Variants in PRIM2 observed in about 807,000 individuals in gnomAD.
The protein encoded by PRIM2 is DNA primase subunit 2.
In PRIM2, 39 loss-of-function variants were observed where a neutral mutation model predicts 67.3. That is an observed-to-expected ratio of 0.58 (90% CI 0.45 to 0.76). The LOEUF is 0.76. Among genes scored for constraint, PRIM2 ranks in the 30% least tolerant of loss-of-function variants. PRIM2 has a pLI of 0.00. For missense variants in PRIM2, 398 were observed against 598.7 expected (o/e 0.66, Z 3.50); for synonymous variants, 143 against 198.7 (o/e 0.72, Z 2.36).
Position 57,476,700 on chromosome 6 carries a change from T to TTA in PRIM2, c.694-30684_694-30683dup, listed in dbSNP as rs1481579750. Among the ~76,000 whole-genome samples, 10 of 152,298 alleles carry TTA rather than the reference T, an allele frequency of 6.6e-5. No individual in the cohort carries two copies. In the South Asian group the frequency reaches 2.1e-3, roughly 32 times the overall value. ...TCTGTAGGCCACCCTGACTCATTGGTTATAATATTGTGTAGTATAAGTAAT... is the reference window on the plus strand; with the variant it reads ...TCTGTAGGCCACCCTGACTCATTGGTTATATAATATTGTGTAGTATAAGTAAT... On this transcript the variant is annotated intron_variant, in intron 7 of 13. Transcript: ENST00000615550.
At chr6:57,263,053 T>C in the PRIM2 span, among the ~76,000 whole-genome samples, 1 of 152,220 alleles carries the variant, frequency 6.6e-6, no homozygotes, top group Admixed American at 6.5e-5. Flanking sequence ...TGACTCCTAG[T>C]ACAATATCTG....
chr6:57,289,768 C>T, the PRIM2 span, among the ~76,000 whole-genome samples: 5 of 152,124 alleles, frequency 3.3e-5, no homozygotes, highest in South Asian at 2.1e-4. Flanking sequence ...GAGATTTTGT[C>T]ACCACCAGGC....
chr6:57,315,658 T>A (rs948307185), upstream of PRIM2, among the ~76,000 whole-genome samples: 2 of 152,194 alleles, frequency 1.3e-5, no homozygotes, highest in Non-Finnish European at 2.9e-5. Context: ...TTAGGATTTT[T>A]TTCCTAATGA....
At chr6:57,606,525 A>G in intron 12 of PRIM2, 68 bp downstream of exon 12, 1 of 1,277,892 alleles carries the variant, frequency 7.8e-7, no homozygotes, top group Non-Finnish European at 1.1e-6. Flanking sequence ...GTTTTATTTA[A>G]TGTTCTTGCA....
At chr6:57,375,780 A>G (rs559079279) in intron 5 of PRIM2, among the ~76,000 whole-genome samples, 1 of 151,742 alleles carries the variant, frequency 6.6e-6, no homozygotes, top group South Asian at 2.1e-4. Context: ...ATTAAAAAAA[A>G]TTTTTTTTAG....
intron 7 of PRIM2, among the ~76,000 whole-genome samples, chr6:57,395,965 G>A (rs1432460809): frequency 1.3e-5 from 2 of 152,194 alleles, no homozygotes; most frequent in African/African-American, 4.8e-5. Context: ...GCATGATTTT[G>A]AAGGTTCCTT....
chr6:57,558,203 G>A (rs1775553995), intron 10 of PRIM2, among the ~76,000 whole-genome samples: 1 of 152,130 alleles, frequency 6.6e-6, no homozygotes, highest in South Asian at 2.1e-4. Flanking sequence ...CCTTAGTATT[G>A]TGCTTATTAG....
intron 10 of PRIM2, among the ~76,000 whole-genome samples, chr6:57,589,316 G>A (rs1455616726): frequency 0.3 from 45,027 of 151,970 alleles, 6,823 homozygotes; most frequent in East Asian, 0.44. Context: ...TCTTCTATTA[G>A]CCTCACTTGG....
At chr6:57,462,420 T>A (rs1773038942) in intron 7 of PRIM2, among the ~76,000 whole-genome samples, 1 of 152,228 alleles carries the variant, frequency 6.6e-6, no homozygotes, top group Non-Finnish European at 1.5e-5. Context: ...TACTAGTGTT[T>A]TATCCTATTT....
chr6:57,324,287 A>T lies in PRIM2; in HGVS notation c.338+7A>T, dbSNP rs1486150200. 1.3e-6 allele frequency: 2 copies of T among 1,537,208 alleles called. No individual in the cohort carries two copies. Among genetic ancestry groups the T allele is most frequent in the South Asian group, 2.3e-5 (2 of 86,596 alleles). On this transcript the variant is annotated splice_region_variant and intron_variant, in intron 4 of 13. Transcript: ENST00000615550. ...GGCTTGCTTATTGCCAGTCGTAAGT[A>T]TATGTTTATATTCTCACAGTCAAAT...
chr6:57,541,973 G>GTTTTT (rs1161553496), intron 10 of PRIM2, among the ~76,000 whole-genome samples: 1 of 114,716 alleles, frequency 8.7e-6, no homozygotes, highest in Non-Finnish European at 1.7e-5. Flanking sequence ...TTGTGTTTTG[G>GTTTTT]TTTTTTTTTT....
intron 7 of PRIM2, among the ~76,000 whole-genome samples, chr6:57,449,184 G>A (rs1306635487): frequency 6.6e-6 from 1 of 152,126 alleles, no homozygotes; most frequent in Non-Finnish European, 1.5e-5. Context: ...AATTTGGAAA[G>A]TAAAAATAAA....
chr6:57,256,209 A>T, the PRIM2 span, among the ~76,000 whole-genome samples: 2 of 152,236 alleles, frequency 1.3e-5, no homozygotes, highest in Admixed American at 1.3e-4. Context: ...TGGGGGAAAA[A>T]GACAATTAAC....
At chr6:57,425,107 TAAAA>T (rs1771578738) in intron 7 of PRIM2, among the ~76,000 whole-genome samples, 1 of 152,230 alleles carries the variant, frequency 6.6e-6, no homozygotes, top group African/African-American at 2.4e-5. Flanking sequence ...TTTTCTCACT[TAAAA>T]TATGTTCTGT....
the PRIM2 span, among the ~76,000 whole-genome samples, chr6:57,227,278 G>A: frequency 6.6e-6 from 1 of 152,100 alleles, no homozygotes; most frequent in Admixed American, 6.5e-5. Context: ...TGTTCACCTC[G>A]CTTCAGTGAT....
chr6:57,539,528 T>G (rs1295543452), intron 10 of PRIM2, among the ~76,000 whole-genome samples: 1 of 151,988 alleles, frequency 6.6e-6, no homozygotes, highest in Non-Finnish European at 1.5e-5. Flanking sequence ...TAATATCCTG[T>G]GGACATAGAT....
At chr6:57,546,774 A>G (rs1212380745) in intron 10 of PRIM2, among the ~76,000 whole-genome samples, 1 of 152,182 alleles carries the variant, frequency 6.6e-6, no homozygotes, top group East Asian at 1.9e-4. Context: ...TAAAACATCA[A>G]CCATTTCCAA....
intron 10 of PRIM2, among the ~76,000 whole-genome samples, chr6:57,573,597 T>A (rs1775902226): frequency 6.6e-6 from 1 of 152,162 alleles, no homozygotes; most frequent in Non-Finnish European, 1.5e-5. Context: ...AATTTAAAGA[T>A]CACTCATATA....
At chr6:57,432,395 G>A (rs1303639246) in intron 7 of PRIM2, among the ~76,000 whole-genome samples, 2 of 152,012 alleles carry the variant, frequency 1.3e-5, no homozygotes, top group Non-Finnish European at 2.9e-5. Flanking sequence ...TGAGAAATCT[G>A]GGAGGCAGGA....
Sources: allele counts gnomAD v4.1 joint callset (sites outside exome capture counted in the v4.1 genomes callset), GRCh38; gene constraint gnomAD v4.1.1; transcripts MANE v1.5; gene names NCBI Gene and HGNC (gene_info 2026-07-23, HGNC 2026-07-21).